PACRG: variants seen among roughly 807,000 people sequenced by gnomAD.
PACRG encodes parkin coregulated gene protein.
PACRG carries 29 observed loss-of-function variants against 29.7 expected under a neutral mutation model. The ratio of observed to expected loss-of-function variants is 0.98; its 90% CI spans 0.73 to 1.33. The LOEUF is 1.33. Ranked by LOEUF, PACRG falls within the 40% of genes most tolerant of loss-of-function variation. The pLI is 0.00. For synonymous variants in PACRG, 116 were observed against 118.7 expected, an observed-to-expected ratio of 0.98 and a Z score of 0.15; for missense variants, 279 against 316.2, an observed-to-expected ratio of 0.88 and a Z score of 0.89.
intron 2 of PACRG, among the ~76,000 whole-genome samples, chr6:162,838,836 T>G (rs1275773029): frequency 1.4e-5 from 2 of 147,696 alleles, no homozygotes; most frequent in Admixed American, 1.4e-4. Flanking sequence ...AGTGAGAATA[T>G]GTGGTGTTTG....
At chr6:163,311,957 C>T (rs6455893) in intron 4 of PACRG, among the ~76,000 whole-genome samples, 31,795 of 152,114 alleles carry the variant, frequency 0.21, 3,431 homozygotes, top group African/African-American at 0.26. Flanking sequence ...ATGTCTGTCT[C>T]CTGGTCTATT....
chr6:163,139,756 T>G (rs564898273), intron 4 of PACRG, among the ~76,000 whole-genome samples: 180 of 152,356 alleles, frequency 1.2e-3, no homozygotes, highest in African/African-American at 4.2e-3. Flanking sequence ...CTGCAGTTAC[T>G]TCTGCCCCCA....
At chr6:163,179,280 A>G (rs1177990653) in intron 4 of PACRG, 1 of 455,348 alleles carries the variant, frequency 2.2e-6, no homozygotes, top group Non-Finnish European at 4.4e-6. Context: ...AGCTGGGGGA[A>G]CTCAGCCTTC....
chr6:163,050,517 C>G (rs894955463), intron 2 of PACRG, among the ~76,000 whole-genome samples: 38 of 152,124 alleles, frequency 2.5e-4, no homozygotes, highest in African/African-American at 8.7e-4. Context: ...GCTCTTTCAT[C>G]TCATCTCTTT....
chr6:163,043,567 C>G (rs1286177304), intron 2 of PACRG, among the ~76,000 whole-genome samples: 1 of 151,974 alleles, frequency 6.6e-6, no homozygotes, highest in African/African-American at 2.4e-5. Context: ...AAAAAATCAT[C>G]AGTTCGAGAC....
At chr6:163,300,438 C>T (rs888357957) in intron 4 of PACRG, among the ~76,000 whole-genome samples, 1 of 146,950 alleles carries the variant, frequency 6.8e-6, no homozygotes, top group Non-Finnish European at 1.5e-5. Flanking sequence ...CGGGGATTTT[C>T]GCCTCAGTAG....
At chr6:162,847,034 C>T (rs1790454104) in intron 2 of PACRG, among the ~76,000 whole-genome samples, 1 of 140,798 alleles carries the variant, frequency 7.1e-6, no homozygotes, top group African/African-American at 2.6e-5. Flanking sequence ...CTGCCGTGCT[C>T]CTCACGCTGA....
intron 1 of PACRG, among the ~76,000 whole-genome samples, chr6:162,788,286 T>C (rs1278940146): frequency 6.6e-6 from 1 of 152,218 alleles, no homozygotes; most frequent in Non-Finnish European, 1.5e-5. Flanking sequence ...AAGATGAGCA[T>C]CTTTCAGCTA....
chr6:162,979,564 T>A (rs1306194546), intron 2 of PACRG, among the ~76,000 whole-genome samples: 1 of 152,168 alleles, frequency 6.6e-6, no homozygotes, highest in African/African-American at 2.4e-5. Context: ...TTTTGTTGTG[T>A]GTATCTTGGA....
intron 4 of PACRG, among the ~76,000 whole-genome samples, chr6:163,228,919 G>C (rs1781913604): frequency 6.6e-6 from 1 of 152,144 alleles, no homozygotes; most frequent in African/African-American, 2.4e-5. Flanking sequence ...CTTTCCAAAT[G>C]ACCAGTTTAC....
intron 4 of PACRG, among the ~76,000 whole-genome samples, chr6:163,181,894 A>G (rs1178663155): frequency 6.6e-6 from 1 of 152,156 alleles, no homozygotes; most frequent in Non-Finnish European, 1.5e-5. Flanking sequence ...GATAGCAGTG[A>G]ATCGGGGTTC....
intron 4 of PACRG, among the ~76,000 whole-genome samples, chr6:163,314,550 A>T: frequency 6.6e-6 from 1 of 152,174 alleles, no homozygotes; most frequent in East Asian, 1.9e-4. Context: ...AGATCAAGAA[A>T]GAGAGTCCCC....
At chr6:162,844,941 G>T (rs567806648) in intron 2 of PACRG, among the ~76,000 whole-genome samples, 1 of 152,174 alleles carries the variant, frequency 6.6e-6, no homozygotes, top group East Asian at 1.9e-4. Context: ...CCTCATCCTT[G>T]TGTAAGTAGT....
chr6:163,264,311 T>A (rs928191768), intron 4 of PACRG, among the ~76,000 whole-genome samples: 10 of 152,186 alleles, frequency 6.6e-5, no homozygotes, highest in Admixed American at 5.2e-4. Flanking sequence ...ACTTTCTGCA[T>A]CTCCTGCTTA....
At chr6:162,891,334 C>T (rs141557411) in intron 2 of PACRG, among the ~76,000 whole-genome samples, 286 of 152,256 alleles carry the variant, frequency 1.9e-3, no homozygotes, top group Non-Finnish European at 1.8e-3. Flanking sequence ...GAAGGAAAAC[C>T]CTTAGGGAAG....
intron 4 of PACRG, among the ~76,000 whole-genome samples, chr6:163,262,980 G>A (rs1475641417): frequency 1.3e-5 from 2 of 150,982 alleles, no homozygotes; most frequent in African/African-American, 2.4e-5. Context: ...GAGACCAGGA[G>A]GCTGAGGCTG....
chr6:162,797,570 C>T (rs1785489146), intron 1 of PACRG, among the ~76,000 whole-genome samples: 1 of 152,152 alleles, frequency 6.6e-6, no homozygotes, highest in Non-Finnish European at 1.5e-5. Flanking sequence ...TTTCCTGGCC[C>T]ACAGGTAATA....
chr6:163,242,333 T>G (rs1782538022), intron 4 of PACRG, among the ~76,000 whole-genome samples: 1 of 152,240 alleles, frequency 6.6e-6, no homozygotes, highest in African/African-American at 2.4e-5. Flanking sequence ...TTAATGCCAC[T>G]GTGTGTTGTG....
rs576141022 is a variant in PACRG, at chr6:162,975,809, CT to C, written c.292-86339del. ...CTCTCCCTTTTCTCCCTTTTTCCTT[CT>C]TGCCTTCCTTCCTCCCTTCCTCCCT... On this transcript the variant is annotated intron_variant, in intron 2 of 4. Transcript: ENST00000366888. Among the ~76,000 whole-genome samples, 801 of 152,046 alleles carry C rather than the reference CT, an allele frequency of 5.3e-3. 9 individuals carry two copies. The highest frequency in any genetic ancestry group is 0.019 in the African/African-American group (772 of 41,482).
Sources: allele counts gnomAD v4.1 joint callset (sites outside exome capture counted in the v4.1 genomes callset), GRCh38; gene constraint gnomAD v4.1.1; transcripts MANE v1.5; gene names NCBI Gene and HGNC (gene_info 2026-07-23, HGNC 2026-07-21).